The following GTPBP6 variants were observed in gnomAD, a reference collection of about 807,000 sequenced individuals.
GTPBP6 encodes putative GTP-binding protein 6.
In GTPBP6, 33 loss-of-function variants were observed where a neutral mutation model predicts 28.9. That is an observed-to-expected ratio of 1.14 (90% CI 0.87 to 1.53). GTPBP6 has a LOEUF of 1.53. Among genes scored for constraint, GTPBP6 ranks in the 40% most tolerant of loss-of-function variants. The pLI, the probability that GTPBP6 is intolerant of heterozygous loss-of-function variation, is 0.00. For missense variants in GTPBP6, 507 were observed against 408.3 expected (o/e 1.24, Z -2.08); for synonymous variants, 231 against 192.7 (o/e 1.20, Z -1.65).
chrX:309,605 GAC>G (rs1569348655), intron 7 of GTPBP6, among the ~76,000 whole-genome samples: 3 of 152,314 alleles, frequency 2.0e-5, no homozygotes, highest in East Asian at 3.9e-4. Flanking sequence ...TGTCCTAGGA[GAC>G]ACAGACACAG....
intron 9 of GTPBP6, 45 bp from the exon 10 acceptor site, chrX:305,242 G>C: frequency 7.1e-7 from 1 of 1,401,910 alleles, no homozygotes; most frequent in Non-Finnish European, 1.0e-6. Context: ...GAACCCGTAA[G>C]TATTTGCTTA....
At chrX:304,781 T>G in exon 10 of GTPBP6, 1 of 1,314,442 alleles carries the variant, frequency 7.6e-7, no homozygotes, top group Non-Finnish European at 9.7e-7. Context: ...TTTAATGTCC[T>G]GTTACGGAAA....
At chrX:314,601 T>C (rs1360142603) in intron 4 of GTPBP6, among the ~76,000 whole-genome samples, 1 of 151,398 alleles carries the variant, frequency 6.6e-6, no homozygotes, top group African/African-American at 2.4e-5. Flanking sequence ...GCCTCCTGAG[T>C]AGCTGGGATT....
intron 1 of GTPBP6, among the ~76,000 whole-genome samples, chrX:318,174 A>C (rs1420425891): frequency 2.2e-5 from 3 of 134,940 alleles, no homozygotes; most frequent in African/African-American, 5.8e-5. Context: ...GAGCCTCCCC[A>C]GAGCCCCGCC....
chrX:313,935 T>C (rs7499027), intron 5 of GTPBP6, among the ~76,000 whole-genome samples: 4,315 of 147,070 alleles, frequency 0.029, 289 homozygotes, highest in African/African-American at 0.11. Context: ...GCATCTCCTA[T>C]CTCCTCAAAT....
intron 6 of GTPBP6, chrX:312,561 C>G: frequency 9.9e-6 from 7 of 706,462 alleles, no homozygotes; most frequent in Non-Finnish European, 1.8e-5. Flanking sequence ...ACAGAGACCA[C>G]AGGAAACCCG....
chrX:313,674 A>G (rs2070361716), intron 5 of GTPBP6, among the ~76,000 whole-genome samples: 1 of 151,872 alleles, frequency 6.6e-6, no homozygotes, highest in Non-Finnish European at 1.5e-5. Flanking sequence ...GAGACAGAAG[A>G]GGAGACACAG....
In GTPBP6 at chrX:305,535, A is replaced by C. The variant is rs920436874; in HGVS notation, c.1428-338T>G. ...ACGGGGTTTCACCGTGTTAGCCAGG[A>C]TGGTCTCGATCTCCTGACTTCGTGA... On this transcript the variant is annotated intron_variant, in intron 9 of 9. Transcript: ENST00000326153. 2.8e-3 allele frequency among the ~76,000 whole-genome samples: 400 copies of C among 144,678 alleles called. 3 individuals carry two copies. Among genetic ancestry groups the C allele is most frequent in the Middle Eastern group, 0.012 (3 of 250 alleles). 94.9% of individuals were successfully genotyped at this position (144,678 alleles called of 152,430 possible).
chrX:314,604 C>T (rs752984801), intron 4 of GTPBP6, among the ~76,000 whole-genome samples: 135 of 152,154 alleles, frequency 8.9e-4, no homozygotes, highest in African/African-American at 3.2e-3. Flanking sequence ...TCCTGAGTAG[C>T]TGGGATTTCA....
chrX:312,460 T>TG, intron 6 of GTPBP6: 1 of 574,028 alleles, frequency 1.7e-6, no homozygotes, highest in Non-Finnish European at 3.3e-6. Context: ...ATGGTGTAGA[T>TG]GGAGGGGAGA....
intron 6 of GTPBP6, 89 bp downstream of exon 6, chrX:312,677 G>C: frequency 3.7e-6 from 5 of 1,335,438 alleles, no homozygotes; most frequent in Non-Finnish European, 5.3e-6. Flanking sequence ...GCACCACTGA[G>C]ACGACAGGGA....
At position 307,743 on chromosome X, in the gene GTPBP6, GT is replaced by G. The variant is rs758027759; in HGVS notation, c.1262del (p.Asp421AlafsTer27). The G allele has an allele frequency of 9.5e-5, 142 of 1,490,618 alleles. No homozygotes were observed. Among genetic ancestry groups the G allele is most frequent in the Non-Finnish European group, 1.2e-4 (131 of 1,119,746 alleles). 92.3% of individuals were successfully genotyped at this position (1,490,618 alleles called of 1,614,324 possible). A position where few individuals can be genotyped will look rare whatever the true frequency, so the allele number is the denominator to read the frequency against. ...AGGGCCGGACTCACCCGGGCACGAG[GT>G]CCACCTTGTTGTGAACCTCCACCAT... On this transcript the variant is annotated frameshift_variant, in exon 8 of 10. Transcript: ENST00000326153. LOFTEE classifies it high-confidence loss of function.
At chrX:307,963 C>G in intron 7 of GTPBP6, 83 bp from the exon 8 acceptor site, 1 of 1,236,636 alleles carries the variant, frequency 8.1e-7, no homozygotes, top group African/African-American at 1.5e-5. Context: ...GAGAGGGGCT[C>G]ACACGAGCTC....
chrX:304,780 C>G (rs2070117684), exon 10 of GTPBP6: 1 of 1,311,572 alleles, frequency 7.6e-7, no homozygotes, highest in Admixed American at 3.5e-5. Flanking sequence ...GTTTAATGTC[C>G]TGTTACGGAA....
intron 4 of GTPBP6, 39 bp from the exon 5 acceptor site, chrX:314,256 C>G: frequency 6.5e-7 from 1 of 1,532,464 alleles, no homozygotes; most frequent in Non-Finnish European, 9.0e-7. Context: ...TCTGCGGACG[C>G]TGTCTCCCTC....
At chrX:311,196 T>G (rs1490875571) in intron 7 of GTPBP6, among the ~76,000 whole-genome samples, 6 of 146,836 alleles carry the variant, frequency 4.1e-5, no homozygotes, top group African/African-American at 1.0e-4. Flanking sequence ...TGGGTGGGTG[T>G]CTGAGGGCCC....
exon 10 of GTPBP6, chrX:304,865 G>A: frequency 1.4e-6 from 2 of 1,432,052 alleles, no homozygotes; most frequent in East Asian, 2.5e-5. Flanking sequence ...GGCTTGGAGT[G>A]GACGCTCGGG....
intron 4 of GTPBP6, among the ~76,000 whole-genome samples, chrX:314,533 CGTG>C (rs2070390127): frequency 1.3e-5 from 2 of 150,834 alleles, no homozygotes; most frequent in Admixed American, 6.6e-5. Flanking sequence ...AGTGCAGTGG[CGTG>C]ATCTCGGCTC....
intron 9 of GTPBP6, among the ~76,000 whole-genome samples, chrX:306,604 T>C (rs936490570): frequency 6.6e-6 from 1 of 151,356 alleles, no homozygotes; most frequent in African/African-American, 2.4e-5. Flanking sequence ...TAGGCACCTG[T>C]TGTATGCAGT....
Sources: allele counts gnomAD v4.1 joint callset (sites outside exome capture counted in the v4.1 genomes callset), GRCh38; gene constraint gnomAD v4.1.1; transcripts MANE v1.5; gene names NCBI Gene and HGNC (gene_info 2026-07-23, HGNC 2026-07-21).